The following LANCL1 variants were observed in gnomAD, a reference collection of about 807,000 sequenced individuals.
LANCL1 encodes the protein LanC like glutathione S-transferase 1, also known as glutathione S-transferase LANCL1.
LANCL1 carries 50 observed loss-of-function variants against 50.6 expected under a neutral mutation model. The ratio of observed to expected loss-of-function variants is 0.99; its 90% CI spans 0.79 to 1.25. The LOEUF is 1.25. LANCL1 is among the 50% of genes most tolerant of loss of function. The pLI is 0.00. For missense variants in LANCL1, 532 were observed against 480.7 expected (o/e 1.11, Z -1.00); for synonymous variants, 188 against 178.6 (o/e 1.05, Z -0.42).
In LANCL1 at chr2:210,434,459, A is replaced by G. The variant is rs759578797; in HGVS notation, c.*28T>C. 2 of 1,575,624 alleles carry G rather than the reference A, an allele frequency of 1.3e-6. No homozygotes were observed. Among genetic ancestry groups the G allele is most frequent in the Non-Finnish European group, 1.7e-6 (2 of 1,146,370 alleles). On this transcript the variant is annotated 3_prime_UTR_variant, in exon 10 of 10. Transcript: ENST00000450366. ...TTTGAATATACAGAAAGGGTCATGCAGTGAGTTGCAGGTGGCATGCTATCC... is the reference window on the plus strand; with the variant it reads ...TTTGAATATACAGAAAGGGTCATGCGGTGAGTTGCAGGTGGCATGCTATCC...
intron 6 of LANCL1, among the ~76,000 whole-genome samples, 182 bp downstream of exon 6, chr2:210,440,416 A>G (rs1263813111): frequency 6.6e-6 from 1 of 152,220 alleles, no homozygotes; most frequent in Non-Finnish European, 1.5e-5. Flanking sequence ...ATGTTTATAC[A>G]CTTTTAAAGG....
chr2:210,440,146 T>A (rs2105889614), intron 6 of LANCL1, among the ~76,000 whole-genome samples: 1 of 152,380 alleles, frequency 6.6e-6, no homozygotes, highest in East Asian at 1.9e-4. Context: ...CTCCTCAGCT[T>A]TGCTCTCTAA....
Position 210,467,102 on chromosome 2 carries a change from A to C in LANCL1, c.199+4857T>G, listed in dbSNP as rs142508749. On this transcript the variant is annotated intron_variant, in intron 3 of 9. Transcript: ENST00000450366. ...CTAGAGGATGAGGAAGATATAGAAG[A>C]AGCAGCACCAGAAAATGAACTGATG... Among the ~76,000 whole-genome samples, 65 of 152,292 alleles carry C rather than the reference A, an allele frequency of 4.3e-4. 1 individual carries two copies. The highest frequency in any genetic ancestry group is 1.7e-3 in the East Asian group (9 of 5,176).
rs1390655797 is a variant in LANCL1 at position 210,433,673 on chromosome 2, T to C, written c.*814A>G. 1 of 152,192 alleles carries C rather than the reference T, an allele frequency of 6.6e-6. No homozygotes were observed. The highest frequency in any genetic ancestry group is 1.5e-5 in the Non-Finnish European group (1 of 68,030). The allele number at this position is 152,192 out of a possible 1,614,324, so 9.4% of individuals were successfully genotyped here. A position where few individuals can be genotyped will look rare whatever the true frequency, so the allele number is the denominator to read the frequency against. On this transcript the variant is annotated 3_prime_UTR_variant, in exon 10 of 10. Transcript: ENST00000450366. ...ATAGAAAATTGGCTTCCTGATCTTA[T>C]TTGAATACTGAAAAACACACATATT...
intron 6 of LANCL1, among the ~76,000 whole-genome samples, chr2:210,438,840 C>T (rs1693029087): frequency 2.0e-5 from 3 of 152,174 alleles, no homozygotes; most frequent in African/African-American, 4.8e-5. Context: ...ATTTTAGTTT[C>T]TCCTTTTGGT....
At chr2:210,438,549 T>G (rs1693018858) in intron 6 of LANCL1, among the ~76,000 whole-genome samples, 1 of 152,212 alleles carries the variant, frequency 6.6e-6, no homozygotes, top group Non-Finnish European at 1.5e-5. Flanking sequence ...TTTCAATATA[T>G]AAAACAAGCT....
intron 4 of LANCL1, among the ~76,000 whole-genome samples, chr2:210,442,280 C>T (rs2105892754): frequency 6.6e-6 from 1 of 152,262 alleles, no homozygotes; most frequent in South Asian, 2.1e-4. Flanking sequence ...TTCTAGTTCT[C>T]CTCAGAAATC....
intron 9 of LANCL1, 81 bp downstream of exon 9, chr2:210,435,306 C>A: frequency 2.7e-6 from 3 of 1,117,912 alleles, no homozygotes; most frequent in South Asian, 1.4e-5. Flanking sequence ...AAATTTTTTG[C>A]TAAAACTTAA....
rs765364851 is a variant in LANCL1, at chr2:210,434,470, G to C, written c.*17C>G. 7.4e-5 allele frequency: 119 copies of C among 1,603,748 alleles called. 3 individuals carry two copies. The Middle Eastern group carries it at 1.2e-3, about 16-fold the overall frequency. ...AGAAAGGGTCATGCAGTGAGTTGCA[G>C]GTGGCATGCTATCCTTTCAGAGTTC... is the stretch of plus-strand genomic sequence containing the variant. On this transcript the variant is annotated 3_prime_UTR_variant, in exon 10 of 10. Transcript: ENST00000450366.
intron 3 of LANCL1, among the ~76,000 whole-genome samples, chr2:210,456,013 A>G (rs552916004): frequency 1.6e-4 from 25 of 152,190 alleles, no homozygotes; most frequent in African/African-American, 5.5e-4. Context: ...GCTCTACTTG[A>G]TCAGTTTCTT....
At position 210,434,240 on chromosome 2, in the gene LANCL1, TACA is replaced by T. The variant is rs1692842132; in HGVS notation, c.*244_*246del. 2.3e-6 allele frequency: 1 copy of T among 439,604 alleles called. No individual in the cohort carries two copies. Among genetic ancestry groups the T allele is most frequent in the South Asian group, 3.7e-5 (1 of 27,390 alleles). The allele number at this position is 439,604 out of a possible 1,614,324, so 27.2% of individuals were successfully genotyped here. A position where few individuals can be genotyped will look rare whatever the true frequency, so the allele number is the denominator to read the frequency against. ...ATATGTATACAATCTCAAAACACTG[TACA>T]TATCACTCACTCTCCCTTTAGGAAG... is the stretch of plus-strand genomic sequence containing the variant. On this transcript the variant is annotated 3_prime_UTR_variant, in exon 10 of 10. Coordinates refer to ENST00000450366, the MANE Select transcript of LANCL1 (RefSeq NM_006055.3).
chr2:210,434,375 T>C lies in LANCL1; in HGVS notation c.*112A>G. ...TAAATTCTGAAAAAAGCTAACAAAA[T>C]CAAGTCCACAGTTTGACTCTTTGTT... On this transcript the variant is annotated 3_prime_UTR_variant, in exon 10 of 10. Coordinates refer to ENST00000450366, the MANE Select transcript of LANCL1 (RefSeq NM_006055.3). The C allele has an allele frequency of 4.2e-6, 3 of 721,972 alleles. No individual in the cohort carries two copies. The highest frequency in any genetic ancestry group is 6.9e-6 in the Non-Finnish European group (3 of 432,300). 44.7% of individuals were successfully genotyped at this position (721,972 alleles called of 1,614,324 possible). A position where few individuals can be genotyped will look rare whatever the true frequency, so the allele number is the denominator to read the frequency against.
chr2:210,440,806 TAA>T, intron 5 of LANCL1, 62 bp from the exon 6 acceptor site: 1 of 1,506,396 alleles, frequency 6.6e-7, no homozygotes, highest in East Asian at 2.4e-5. Flanking sequence ...CTGGAGGAGG[TAA>T]AGACTTTTTT....
At chr2:210,434,625 C>A (rs926503686) in intron 9 of LANCL1, 62 bp from the exon 10 acceptor site, 1 of 1,302,654 alleles carries the variant, frequency 7.7e-7, no homozygotes, top group Admixed American at 1.8e-5. Context: ...TAGGATGGTT[C>A]TTTTTCCCCC....
chr2:210,453,028 G>A (rs937133839), intron 4 of LANCL1, among the ~76,000 whole-genome samples: 6 of 151,858 alleles, frequency 4.0e-5, no homozygotes, highest in African/African-American at 7.3e-5. Context: ...AGCAAACTCC[G>A]TAACTTACAA....
chr2:210,435,536 C>T, intron 8 of LANCL1, 77 bp from the exon 9 acceptor site: 3 of 1,060,200 alleles, frequency 2.8e-6, no homozygotes, highest in Non-Finnish European at 4.4e-6. Context: ...GTTGTCTATA[C>T]AAATTACTCT....
chr2:210,446,915 G>T (rs1028603605), intron 4 of LANCL1, among the ~76,000 whole-genome samples: 1 of 152,108 alleles, frequency 6.6e-6, no homozygotes, highest in African/African-American at 2.4e-5. Context: ...AACCAAGTTG[G>T]AAACACTCTT....
chr2:210,435,877 C>T (rs945896265), intron 8 of LANCL1, among the ~76,000 whole-genome samples: 1 of 149,578 alleles, frequency 6.7e-6, no homozygotes, highest in Non-Finnish European at 1.5e-5. Context: ...CTTTCTACAA[C>T]CTCCTGGGAG....
intron 3 of LANCL1, among the ~76,000 whole-genome samples, chr2:210,459,078 C>T (rs1693757863): frequency 6.6e-6 from 1 of 152,030 alleles, no homozygotes; most frequent in South Asian, 2.1e-4. Context: ...TTCCCTTCAT[C>T]TTCTCTTCTA....
Sources: allele counts gnomAD v4.1 joint callset (sites outside exome capture counted in the v4.1 genomes callset), GRCh38; gene constraint gnomAD v4.1.1; transcripts MANE v1.5; gene names NCBI Gene and HGNC (gene_info 2026-07-23, HGNC 2026-07-21).